PRKN: variants seen among roughly 807,000 people sequenced by gnomAD.
The protein encoded by PRKN is parkin RBR E3 ubiquitin protein ligase, also known as E3 ubiquitin-protein ligase parkin.
PRKN carries 56 observed loss-of-function variants against 59.5 expected under a neutral mutation model. The ratio of observed to expected loss-of-function variants is 0.94; its 90% CI spans 0.76 to 1.18. PRKN has a LOEUF of 1.18. Ranked by LOEUF, PRKN falls within the 50% of genes most tolerant of loss-of-function variation. The pLI is 0.00. For synonymous variants in PRKN, 250 were observed against 222.1 expected (o/e 1.13, Z -1.12); for missense variants, 657 against 596.4 (o/e 1.10, Z -1.06).
At chr6:162,281,341 A>T (rs1243830722) in intron 2 of PRKN, among the ~76,000 whole-genome samples, 4 of 152,072 alleles carry the variant, frequency 2.6e-5, no homozygotes, top group African/African-American at 9.7e-5. Flanking sequence ...GGTGCAGCAA[A>T]CCACCATGGC....
At chr6:162,223,707 A>C (rs1041707559) in intron 3 of PRKN, among the ~76,000 whole-genome samples, 1 of 151,566 alleles carries the variant, frequency 6.6e-6, no homozygotes, top group Non-Finnish European at 1.5e-5. Context: ...CTACAAATAC[A>C]CTACACATTT....
chr6:162,544,672 A>ATTT (rs11296683), intron 1 of PRKN, among the ~76,000 whole-genome samples: 13 of 71,512 alleles, frequency 1.8e-4, no homozygotes, highest in East Asian at 1.1e-3. Context: ...TTTATTGTTG[A>ATTT]TTTTTTTTTT....
intron 4 of PRKN, among the ~76,000 whole-genome samples, chr6:162,173,905 G>A (rs945224544): frequency 6.6e-6 from 1 of 152,198 alleles, no homozygotes; most frequent in African/African-American, 2.4e-5. Context: ...TATTCTCATC[G>A]TCACGATCAG....
rs771820419 is a variant in PRKN at position 161,457,574 on chromosome 6, G to A, written c.1084-70697C>T. Among the ~76,000 whole-genome samples the A allele has an allele frequency of 2.0e-5, 3 of 152,162 alleles. No homozygotes were observed. ...CTGCTGAATGTGTGGATAGATGGATGGGAGGATGAATGGATGCATGAATGA... is the reference window on the plus strand; with the variant it reads ...CTGCTGAATGTGTGGATAGATGGATAGGAGGATGAATGGATGCATGAATGA... On this transcript the variant is annotated intron_variant, in intron 9 of 11. Coordinates refer to ENST00000366898, the MANE Select transcript of PRKN (RefSeq NM_004562.3). This position sits in a 1 kb window ranked among gnomAD's most constrained non-coding sequence, Gnocchi z 5.0.
At chr6:162,003,751 C>T (rs149163349) in intron 5 of PRKN, among the ~76,000 whole-genome samples, 2 of 152,148 alleles carry the variant, frequency 1.3e-5, no homozygotes, top group East Asian at 1.9e-4. Context: ...GGTAAATATG[C>T]CTGGTGTACT....
chr6:161,639,059 C>G (rs189269084), intron 7 of PRKN, among the ~76,000 whole-genome samples: 1 of 152,218 alleles, frequency 6.6e-6, no homozygotes, highest in African/African-American at 2.4e-5. Flanking sequence ...CGGTTTTTCC[C>G]CCTTTTGCTC....
chr6:162,525,996 CCA>C (rs1200127210), intron 1 of PRKN, among the ~76,000 whole-genome samples: 1 of 152,058 alleles, frequency 6.6e-6, no homozygotes, highest in Non-Finnish European at 1.5e-5. Flanking sequence ...AGGTGCAAAA[CCA>C]CACCCAGCTA....
chr6:161,466,912 T>G lies in PRKN; in HGVS notation c.1084-80035A>C, dbSNP rs777353391. On this transcript the variant is annotated intron_variant, in intron 9 of 11. Coordinates refer to ENST00000366898, the MANE Select transcript of PRKN (RefSeq NM_004562.3). The surrounding 1 kb of genome is among the most constrained non-coding windows in gnomAD (Gnocchi z 5.0). The stretch of plus-strand genomic sequence containing the variant: ...TAGTTAATGAGGGATTTTTATTCTT[T>G]TGTTTCTGGTGGCAGAAATAAAATA... Among the ~76,000 whole-genome samples, 2 of 152,218 alleles carry G rather than the reference T, an allele frequency of 1.3e-5. No homozygotes were observed. Among genetic ancestry groups the G allele is most frequent in the Non-Finnish European group, 2.9e-5 (2 of 68,044 alleles).
intron 2 of PRKN, among the ~76,000 whole-genome samples, chr6:162,373,482 A>G (rs1479237985): frequency 6.6e-6 from 1 of 152,178 alleles, no homozygotes; most frequent in East Asian, 1.9e-4. Flanking sequence ...CTTTTCCAAC[A>G]CGGGTAAGGG....
chr6:161,761,760 A>G (rs547834059), intron 7 of PRKN, among the ~76,000 whole-genome samples: 2 of 152,334 alleles, frequency 1.3e-5, no homozygotes, highest in East Asian at 3.9e-4. Flanking sequence ...TCAAGTACAC[A>G]CTCATGAAGT....
chr6:161,736,358 C>G (rs1474386467), intron 7 of PRKN, among the ~76,000 whole-genome samples: 4 of 152,162 alleles, frequency 2.6e-5, no homozygotes, highest in African/African-American at 9.7e-5. Flanking sequence ...TGTAGAAAAT[C>G]ATATCTACCT....
At chr6:161,528,022 C>T (rs543888) in intron 9 of PRKN, among the ~76,000 whole-genome samples, 120,915 of 152,160 alleles carry the variant, frequency 0.79, 48,353 homozygotes, top group Middle Eastern at 0.86. Flanking sequence ...ATTGAAAAGA[C>T]AGAAAAGATA....
rs1582959436 is a variant in PRKN at position 161,353,925 on chromosome 6, G to T, written c.1286-3714C>A. ...GCTTGGTGCGTGGGGAAAAACCCCC[G>T]CACATTCCGTCACAGAAGTCTTCTG... is the stretch of plus-strand genomic sequence containing the variant. On this transcript the variant is annotated intron_variant, in intron 11 of 11. Coordinates refer to ENST00000366898, the MANE Select transcript of PRKN (RefSeq NM_004562.3). This position sits in a 1 kb window ranked among gnomAD's most constrained non-coding sequence, Gnocchi z 4.8. Among the ~76,000 whole-genome samples, 1 of 152,166 alleles carries T rather than the reference G, an allele frequency of 6.6e-6. No individual in the cohort carries two copies. The highest frequency in any genetic ancestry group is 2.4e-5 in the African/African-American group (1 of 41,444).
In PRKN at chr6:161,388,810, A is replaced by T. The variant is rs1786379470; in HGVS notation, c.1084-1933T>A. ...GAAGAGCTGCGGCCTCAGCCGCAAC[A>T]ATAGCCCTGTCTGAGCTTTTAGTAG... On this transcript the variant is annotated intron_variant, in intron 9 of 11. Transcript: ENST00000366898. The surrounding 1 kb of genome is among the most constrained non-coding windows in gnomAD (Gnocchi z 4.3). 6.6e-6 allele frequency among the ~76,000 whole-genome samples: 1 copy of T among 152,248 alleles called. No homozygotes were observed. The highest frequency in any genetic ancestry group is 2.4e-5 in the African/African-American group (1 of 41,472).
chr6:162,082,401 C>G (rs1779093051), intron 4 of PRKN, among the ~76,000 whole-genome samples: 1 of 152,054 alleles, frequency 6.6e-6, no homozygotes, highest in African/African-American at 2.4e-5. Flanking sequence ...TGAGAACAGA[C>G]TAATACAGCC....
At chr6:162,391,658 C>T (rs1787200926) in intron 2 of PRKN, among the ~76,000 whole-genome samples, 1 of 152,162 alleles carries the variant, frequency 6.6e-6, no homozygotes, top group African/African-American at 2.4e-5. Context: ...ACGTGGATTT[C>T]GAACATCTGC....
At chr6:162,590,595 A>G (rs753972051) in intron 1 of PRKN, among the ~76,000 whole-genome samples, 1 of 152,248 alleles carries the variant, frequency 6.6e-6, no homozygotes, top group South Asian at 2.1e-4. Context: ...TTGCAACCTA[A>G]ATCAGTTTCA....
At chr6:162,667,101 C>A (rs575658168) in intron 1 of PRKN, among the ~76,000 whole-genome samples, 117 of 152,180 alleles carry the variant, frequency 7.7e-4, no homozygotes, top group African/African-American at 2.8e-3. Context: ...CTACTAAGAA[C>A]TGTCAAGCTT....
In PRKN at chr6:162,473,913, T is replaced by A. The variant is rs886175441; in HGVS notation, c.8-30440A>T. Among the ~76,000 whole-genome samples the A allele has an allele frequency of 2.6e-5, 4 of 152,212 alleles. No individual in the cohort carries two copies. The South Asian group carries it at 8.3e-4, about 31-fold the overall frequency. ...AAAAATGTCACCATAATTATAGATG[T>A]AGGTTAGCCTTTCTTTTACAATGAT... On this transcript the variant is annotated intron_variant, in intron 1 of 11. Coordinates refer to ENST00000366898, the MANE Select transcript of PRKN (RefSeq NM_004562.3).
Sources: allele counts gnomAD v4.1 joint callset (sites outside exome capture counted in the v4.1 genomes callset), GRCh38; gene constraint gnomAD v4.1.1; non-coding constraint Gnocchi (gnomAD v3.1); transcripts MANE v1.5; gene names NCBI Gene and HGNC (gene_info 2026-07-23, HGNC 2026-07-21).